The following CCDC33 variants were observed in gnomAD, a reference collection of about 807,000 sequenced individuals.
CCDC33 encodes the protein coiled-coil domain-containing protein 33.
Under a neutral mutation model 91.9 loss-of-function variants are expected in CCDC33, and 94 were observed. The observed-to-expected ratio is 1.02, with a 90% CI of 0.87 to 1.21. The LOEUF is 1.21. Among genes scored for constraint, CCDC33 ranks in the 50% most tolerant of loss-of-function variants. The pLI, the probability that CCDC33 is intolerant of heterozygous loss-of-function variation, is 0.00. For synonymous variants in CCDC33, 396 were observed against 374.5 expected, an observed-to-expected ratio of 1.06 and a Z score of -0.66; for missense variants, 940 against 935.5, an observed-to-expected ratio of 1.00 and a Z score of -0.06.
chr15:74,244,666 G>C lies in CCDC33; in HGVS notation c.185+518G>C, dbSNP rs2075461669. The stretch of plus-strand genomic sequence containing the variant: ...GCACCCCACACACCCCCTCCAGCCA[G>C]CTGCTGTCAGGGTACACACTTCCCC... On this transcript the variant is annotated intron_variant, in intron 2 of 18. Transcript: ENST00000398814. This position sits in a 1 kb window ranked among gnomAD's most constrained non-coding sequence, Gnocchi z 4.2. Among the ~76,000 whole-genome samples, 1 of 151,902 alleles carries C rather than the reference G, an allele frequency of 6.6e-6. No individual in the cohort carries two copies. The highest frequency in any genetic ancestry group is 1.5e-5 in the Non-Finnish European group (1 of 67,988).
chr15:74,319,595 T>A (rs367840762), intron 11 of CCDC33: 1 of 152,470 alleles, frequency 6.6e-6, no homozygotes, highest in African/African-American at 2.4e-5. Flanking sequence ...CAAGGAGTCA[T>A]GACTGATGGC....
intron 11 of CCDC33, chr15:74,319,580 A>G (rs1313968176): frequency 6.6e-6 from 1 of 152,478 alleles, no homozygotes; most frequent in African/African-American, 2.4e-5. Flanking sequence ...CTCTGGCCCA[A>G]TACCCAAGGA....
At chr15:74,326,347 A>G (rs2060309493) in intron 11 of CCDC33, among the ~76,000 whole-genome samples, 1 of 152,202 alleles carries the variant, frequency 6.6e-6, no homozygotes, top group South Asian at 2.1e-4. Flanking sequence ...AGCACTCAGA[A>G]GGTGGTGGAG....
At chr15:74,269,285 G>A (rs1471239773) in intron 5 of CCDC33, among the ~76,000 whole-genome samples, 1 of 151,690 alleles carries the variant, frequency 6.6e-6, no homozygotes, top group Non-Finnish European at 1.5e-5. Flanking sequence ...CCCAAACATG[G>A]CTGATCTGTT....
chr15:74,335,970 G>C lies in CCDC33; in HGVS notation c.2185G>C (p.Glu729Gln), dbSNP rs553391963. The change falls in exon 19 of 19, where the codon GAG (glutamate) becomes CAG (glutamine). Residue 729 changes from glutamate to glutamine, a missense_variant. Coordinates refer to ENST00000398814, the MANE Select transcript of CCDC33 (RefSeq NM_025055.5). ...SMDLKQPSEL[E>Q]PLLPSSDSKL... is the part of the protein sequence containing the mutation. ...GGACCTCAAGCAGCCCTCAGAGCTG[G>C]AGCCCCTGCTGCCCAGCTCAGACTC... 2 of 1,613,872 alleles carry C rather than the reference G, an allele frequency of 1.2e-6. No individual in the cohort carries two copies. The highest frequency in any genetic ancestry group is 1.7e-6 in the Non-Finnish European group (2 of 1,180,008).
At chr15:74,251,788 T>G (rs1490358447) in intron 2 of CCDC33, among the ~76,000 whole-genome samples, 2 of 152,182 alleles carry the variant, frequency 1.3e-5, no homozygotes, top group Non-Finnish European at 2.9e-5. Context: ...AGGCTGGCCT[T>G]GGTCACAGGA....
Position 74,331,077 on chromosome 15 carries a change from A to C in CCDC33, c.1642A>C (p.Lys548Gln), listed in dbSNP as rs867376777. 1 of 1,613,428 alleles carries C rather than the reference A, an allele frequency of 6.2e-7. No individual in the cohort carries two copies. Among genetic ancestry groups the C allele is most frequent in the Non-Finnish European group, 8.5e-7 (1 of 1,179,702 alleles). Residue 548 changes from lysine (K) to glutamine (Q), a missense_variant, in exon 14 of 19, where the codon AAG becomes CAG. Physicochemically the swap from Lys to Gln is moderately conservative, Grantham distance 53. Coordinates refer to ENST00000398814, the MANE Select transcript of CCDC33 (RefSeq NM_025055.5). Reference protein sequence around the residue: ...KQYQGKLQKMKALEETVRHQE... With the variant: ...KQYQGKLQKMQALEETVRHQE... ...GTACCAGGGCAAGCTGCAGAAGATG[A>C]AGGCGCTGGAGGAGACTGTGCGGCA...
chr15:74,306,534 T>C (rs1246932803), intron 11 of CCDC33, among the ~76,000 whole-genome samples: 1 of 152,102 alleles, frequency 6.6e-6, no homozygotes, highest in Non-Finnish European at 1.5e-5. Context: ...AATTACTAGT[T>C]AGTGTGTGTG....
At chr15:74,212,597 G>C (rs1289982631), upstream of CCDC33, 3 of 152,362 alleles carry the variant, frequency 2.0e-5, no homozygotes, top group East Asian at 5.8e-4. Flanking sequence ...CTTCAAAGTA[G>C]CCAGGCCCCT....
At chr15:74,266,097 G>A (rs1310299215) in intron 3 of CCDC33, among the ~76,000 whole-genome samples, 1 of 152,236 alleles carries the variant, frequency 6.6e-6, no homozygotes, top group Admixed American at 6.5e-5. Context: ...TGTTTACTAA[G>A]TGGTGCATTA....
intron 1 of CCDC33, among the ~76,000 whole-genome samples, chr15:74,240,085 T>A (rs908448477): frequency 2.0e-5 from 3 of 152,226 alleles, no homozygotes; most frequent in African/African-American, 7.2e-5. Flanking sequence ...CAAGCCTCCC[T>A]GGCCCTGGGC....
intron 4 of CCDC33, among the ~76,000 whole-genome samples, chr15:74,268,046 C>G (rs2076213691): frequency 6.6e-6 from 1 of 152,212 alleles, no homozygotes; most frequent in African/African-American, 2.4e-5. Context: ...GGGGCATCAC[C>G]CAGGCCCCCT....
intron 18 of CCDC33, chr15:74,335,545 G>A: frequency 2.8e-6 from 1 of 358,812 alleles, no homozygotes; most frequent in Non-Finnish European, 5.1e-6. Flanking sequence ...GAACAAACAG[G>A]CCTGCTCACA....
intron 2 of CCDC33, among the ~76,000 whole-genome samples, chr15:74,220,877 CCAGATAACTTGCTCTAG>C (rs1204916806): frequency 6.6e-6 from 1 of 152,172 alleles, no homozygotes; most frequent in African/African-American, 2.4e-5. Flanking sequence ...TGTTTCAGCT[CCAGATAACTTGCTCTAG>C]CAGTTCAGGC....
chr15:74,296,865 A>G (rs2059698139), intron 11 of CCDC33, among the ~76,000 whole-genome samples: 1 of 152,214 alleles, frequency 6.6e-6, no homozygotes, highest in Non-Finnish European at 1.5e-5. Flanking sequence ...GGTGCTACCC[A>G]GTAACCATGG....
At chr15:74,283,799 C>CACAG (rs2059418551) in intron 10 of CCDC33, among the ~76,000 whole-genome samples, 1 of 151,888 alleles carries the variant, frequency 6.6e-6, no homozygotes, top group African/African-American at 2.4e-5. Flanking sequence ...AGAATTCACA[C>CACAG]ACACACACAC....
intron 2 of CCDC33, among the ~76,000 whole-genome samples, chr15:74,254,687 G>A (rs2075805991): frequency 6.6e-6 from 1 of 151,130 alleles, no homozygotes; most frequent in South Asian, 2.1e-4. Context: ...AGTACCCTGC[G>A]AATGTCAATG....
At chr15:74,274,763 C>T (rs1434633347) in intron 7 of CCDC33, among the ~76,000 whole-genome samples, 1 of 152,240 alleles carries the variant, frequency 6.6e-6, no homozygotes, top group East Asian at 1.9e-4. Context: ...GCTGCCTTTG[C>T]TGCCTAACTA....
At chr15:74,276,635 C>T (rs1268961192) in intron 7 of CCDC33, among the ~76,000 whole-genome samples, 2 of 152,228 alleles carry the variant, frequency 1.3e-5, no homozygotes, top group Non-Finnish European at 2.9e-5. Context: ...ACTATCACGA[C>T]AAGGCAAATC....
Sources: allele counts gnomAD v4.1 joint callset (sites outside exome capture counted in the v4.1 genomes callset), GRCh38; gene constraint gnomAD v4.1.1; non-coding constraint Gnocchi (gnomAD v3.1); transcripts MANE v1.5; gene names NCBI Gene and HGNC (gene_info 2026-07-23, HGNC 2026-07-21).